The following TMTC1 variants were observed in gnomAD, a reference collection of about 807,000 sequenced individuals.
The protein encoded by TMTC1 is transmembrane O-mannosyltransferase targeting cadherins 1.
A neutral mutation model predicts 104.8 loss-of-function variants in TMTC1; 73 were observed. The ratio of observed to expected loss-of-function variants is 0.70; its 90% CI spans 0.58 to 0.85. The LOEUF (loss-of-function observed/expected upper bound fraction) is 0.85, where lower values mean the gene tolerates loss of function less well. Ranked by LOEUF, TMTC1 falls within the 40% of genes least tolerant of loss-of-function variation. TMTC1 has a pLI of 0.00. For synonymous variants in TMTC1, 434 were observed against 428.7 expected (o/e 1.01, Z -0.15); for missense variants, 1,035 against 1,096.1 (o/e 0.94, Z 0.79).
At chr12:29,638,216 T>C (rs1438114069) in intron 5 of TMTC1, among the ~76,000 whole-genome samples, 1 of 152,026 alleles carries the variant, frequency 6.6e-6, no homozygotes, top group East Asian at 1.9e-4. Context: ...CCCCATCTTG[T>C]GCCCATAAAA....
At chr12:29,632,085 T>A (rs1300212418) in intron 6 of TMTC1, among the ~76,000 whole-genome samples, 3 of 152,214 alleles carry the variant, frequency 2.0e-5, no homozygotes, top group Non-Finnish European at 4.4e-5. Flanking sequence ...CATATTTCTC[T>A]TGCTTCCAAA....
At chr12:29,728,131 T>A (rs1179321858) in intron 5 of TMTC1, among the ~76,000 whole-genome samples, 1 of 152,218 alleles carries the variant, frequency 6.6e-6, no homozygotes, top group Non-Finnish European at 1.5e-5. Flanking sequence ...TGACATAATG[T>A]AGTATCTTAA....
At chr12:29,511,703 T>G (rs369921185) in intron 17 of TMTC1, among the ~76,000 whole-genome samples, 2 of 152,306 alleles carry the variant, frequency 1.3e-5, no homozygotes, top group South Asian at 2.1e-4. Context: ...TAAGCTATAC[T>G]GAGCTACTGA....
intron 5 of TMTC1, among the ~76,000 whole-genome samples, chr12:29,716,558 T>C (rs1942087841): frequency 6.6e-6 from 1 of 152,128 alleles, no homozygotes; most frequent in South Asian, 2.1e-4. Flanking sequence ...CCTAAGGATA[T>C]GGGAAATTTA....
At chr12:29,611,395 T>C (rs1946843113) in intron 6 of TMTC1, among the ~76,000 whole-genome samples, 2 of 152,350 alleles carry the variant, frequency 1.3e-5, no homozygotes, top group South Asian at 4.1e-4. Flanking sequence ...ATGTAAGTTA[T>C]ATTCTGCATA....
intron 2 of TMTC1, among the ~76,000 whole-genome samples, chr12:29,761,746 C>T (rs1020370449): frequency 3.9e-5 from 6 of 152,084 alleles, no homozygotes; most frequent in Non-Finnish European, 5.9e-5. Context: ...GTATCACCCA[C>T]GTCACAGAAG....
intron 5 of TMTC1, among the ~76,000 whole-genome samples, chr12:29,680,876 T>C (rs61406729): frequency 0.079 from 12,003 of 152,020 alleles, 673 homozygotes; most frequent in South Asian, 0.17. Flanking sequence ...GGTGGGTGGA[T>C]CACTTGAGGC....
At chr12:29,603,932 CAA>C (rs747466440) in intron 7 of TMTC1, among the ~76,000 whole-genome samples, 19 of 152,304 alleles carry the variant, frequency 1.2e-4, no homozygotes, top group Admixed American at 2.0e-4. Context: ...TGAATATACT[CAA>C]GTTAATATTT....
At chr12:29,581,158 C>G (rs1374040595) in intron 8 of TMTC1, among the ~76,000 whole-genome samples, 1 of 152,228 alleles carries the variant, frequency 6.6e-6, no homozygotes, top group East Asian at 1.9e-4. Context: ...ACTCCATACC[C>G]TGCACCCAAC....
In TMTC1 at chr12:29,572,096, G is replaced by C. The variant is rs1945694327; in HGVS notation, c.1532+9C>G. ...ACCAAGGCCAACACCCTCCCTGTGT[G>C]GCGCTTACTTGAGAGCTGTTCTGTA... On this transcript the variant is annotated intron_variant, in intron 9 of 17. Transcript: ENST00000539277. 6.2e-7 allele frequency: 1 copy of C among 1,608,762 alleles called. No individual in the cohort carries two copies. Among genetic ancestry groups the C allele is most frequent in the African/African-American group, 1.3e-5 (1 of 74,786 alleles).
At position 29,660,937 on chromosome 12, in the gene TMTC1, T is replaced by G. The variant is rs932900813; in HGVS notation, c.939-27601A>C. On this transcript the variant is annotated intron_variant, in intron 5 of 17. Transcript: ENST00000539277. Reference sequence around the variant, plus strand: ...AGATAAGTGTGTCTACCAGACACAATGTTCTCCTTTCAAGGTGAAGACGCT... The same window carrying G: ...AGATAAGTGTGTCTACCAGACACAAGGTTCTCCTTTCAAGGTGAAGACGCT... 5.3e-6 allele frequency: 6 copies of G among 1,124,860 alleles called. No individual in the cohort carries two copies. In the African/African-American group the frequency reaches 9.6e-5, roughly 18 times the overall value. 69.7% of individuals were successfully genotyped at this position (1,124,860 alleles called of 1,614,324 possible). A position where few individuals can be genotyped will look rare whatever the true frequency, so the allele number is the denominator to read the frequency against.
intron 5 of TMTC1, among the ~76,000 whole-genome samples, chr12:29,679,425 C>A (rs1353866815): frequency 6.6e-6 from 1 of 152,096 alleles, no homozygotes; most frequent in East Asian, 1.9e-4. Context: ...TGTAAAATTT[C>A]TTACAAATTA....
intron 5 of TMTC1, among the ~76,000 whole-genome samples, chr12:29,679,470 A>T (rs1196941937): frequency 6.6e-6 from 1 of 152,186 alleles, no homozygotes; most frequent in African/African-American, 2.4e-5. Context: ...AAAATCAGAT[A>T]TAAGAACTAA....
chr12:29,691,299 C>G (rs1795104858), intron 5 of TMTC1, among the ~76,000 whole-genome samples: 1 of 152,066 alleles, frequency 6.6e-6, no homozygotes, highest in East Asian at 1.9e-4. Context: ...CACCCAAGAA[C>G]AGAAGACAGC....
chr12:29,696,753 T>C (rs971766991), intron 5 of TMTC1, among the ~76,000 whole-genome samples: 16 of 152,096 alleles, frequency 1.1e-4, no homozygotes, highest in Admixed American at 9.2e-4. Context: ...AGGAAATAAA[T>C]AGAAGAAAGA....
chr12:29,768,168 TAAGCTATTAGATTA>T, intron 1 of TMTC1, 93 bp from the exon 2 acceptor site: 4 of 950,954 alleles, frequency 4.2e-6, no homozygotes, highest in Non-Finnish European at 6.1e-6. Context: ...TTTAAAAAGA[TAAGCTATTAGATTA>T]ATGATTTTTA....
At chr12:29,652,760 T>C (rs1939581166) in intron 5 of TMTC1, among the ~76,000 whole-genome samples, 1 of 152,122 alleles carries the variant, frequency 6.6e-6, no homozygotes, top group African/African-American at 2.4e-5. Context: ...TAAAGTGTAA[T>C]GAGATGGAAT....
intron 5 of TMTC1, among the ~76,000 whole-genome samples, chr12:29,651,801 G>T (rs1427302625): frequency 1.3e-5 from 2 of 152,062 alleles, no homozygotes; most frequent in African/African-American, 4.8e-5. Context: ...CTAGGGCTAT[G>T]TAAGAAATTA....
chr12:29,733,994 T>G (rs754532411), intron 5 of TMTC1, among the ~76,000 whole-genome samples: 26 of 152,196 alleles, frequency 1.7e-4, no homozygotes, highest in Non-Finnish European at 3.8e-4. Context: ...ATCCAAGACT[T>G]TACTGGGGAA....
Sources: gnomAD v4.1 joint callset for allele counts (sites outside exome capture counted in the v4.1 genomes callset) on GRCh38, gnomAD v4.1.1 for gene constraint, MANE v1.5 for transcripts, NCBI Gene and HGNC (gene_info 2026-07-23, HGNC 2026-07-21) for gene names.